Variants in RAB11FIP4 observed in about 807,000 individuals in gnomAD.
RAB11FIP4 encodes rab11 family-interacting protein 4.
A neutral mutation model predicts 74.3 loss-of-function variants in RAB11FIP4; 23 were observed. The ratio of observed to expected loss-of-function variants is 0.31; its 90% CI spans 0.22 to 0.44. The LOEUF (loss-of-function observed/expected upper bound fraction) is 0.44, where lower values mean the gene tolerates loss of function less well. RAB11FIP4 is among the 20% of genes least tolerant of loss of function. RAB11FIP4 has a pLI of 1.00. For synonymous variants in RAB11FIP4, 360 were observed against 359.9 expected (o/e 1.00, Z 0.00); for missense variants, 630 against 863.9 (o/e 0.73, Z 3.39).
At chr17:31,394,651 T>C (rs1425032211) in intron 1 of RAB11FIP4, among the ~76,000 whole-genome samples, 2 of 152,212 alleles carry the variant, frequency 1.3e-5, no homozygotes, top group East Asian at 1.9e-4. Context: ...ACATTGTATC[T>C]GTCAAGAAAG....
At chr17:31,453,703 TAGTCCCAACTACTAGGG>T (rs1447310535) in intron 3 of RAB11FIP4, among the ~76,000 whole-genome samples, 1 of 146,606 alleles carries the variant, frequency 6.8e-6, no homozygotes, top group East Asian at 2.0e-4. Context: ...TGCATGCCTG[TAGTCCCAACTACTAGGG>T]AGGCTGAGGC....
intron 1 of RAB11FIP4, among the ~76,000 whole-genome samples, chr17:31,401,367 A>G (rs2070984350): frequency 6.6e-6 from 1 of 152,076 alleles, no homozygotes; most frequent in Non-Finnish European, 1.5e-5. Flanking sequence ...AATTCCCTGC[A>G]ACCTGTCACC....
intron 3 of RAB11FIP4, among the ~76,000 whole-genome samples, chr17:31,501,359 A>T (rs1370578253): frequency 6.6e-6 from 1 of 152,132 alleles, no homozygotes; most frequent in African/African-American, 2.4e-5. Context: ...CGTTTAATAC[A>T]TCTCACCTAC....
At chr17:31,392,349 G>A (rs994121329) in intron 1 of RAB11FIP4, 6 of 194,896 alleles carry the variant, frequency 3.1e-5, no homozygotes, top group Admixed American at 6.1e-5. Context: ...CCGGCCCTAG[G>A]CTCCCCACCC....
intron 3 of RAB11FIP4, among the ~76,000 whole-genome samples, chr17:31,440,451 G>T (rs1040310270): frequency 3.3e-5 from 5 of 152,224 alleles, no homozygotes; most frequent in African/African-American, 1.2e-4. Flanking sequence ...GATAGGGAAA[G>T]GCTCTCTCAT....
rs1314025896 is a variant in RAB11FIP4 at position 31,534,324 on chromosome 17, G to C, written c.*2592G>C. The C allele has an allele frequency of 6.6e-6, 1 of 152,236 alleles. No individual in the cohort carries two copies. The highest frequency in any genetic ancestry group is 1.5e-5 in the Non-Finnish European group (1 of 68,054). The allele number at this position is 152,236 out of a possible 1,614,324, so 9.4% of individuals were successfully genotyped here. On this transcript the variant is annotated 3_prime_UTR_variant, in exon 15 of 15. Coordinates refer to ENST00000621161, the MANE Select transcript of RAB11FIP4 (RefSeq NM_032932.6). Reference sequence around the variant, plus strand: ...GCTCTGTTGCCCAGGCTGGAGTGTAGTGGTATGATCATAGCTCACCACAAC... The same window carrying C: ...GCTCTGTTGCCCAGGCTGGAGTGTACTGGTATGATCATAGCTCACCACAAC...
At position 31,517,637 on chromosome 17, in the gene RAB11FIP4, T is replaced by C; in HGVS notation, c.337-14T>C. ...CTGGCCTCACTTATCTTGTCTCTGC[T>C]CTCTCTTTCCCAGGGCAGCGAGGTC... On this transcript the variant is annotated splice_polypyrimidine_tract_variant and intron_variant, in intron 3 of 14. Transcript: ENST00000621161. 6.3e-7 allele frequency: 1 copy of C among 1,587,152 alleles called. No individual in the cohort carries two copies. Among genetic ancestry groups the C allele is most frequent in the Middle Eastern group, 1.7e-4 (1 of 6,028 alleles).
intron 1 of RAB11FIP4, among the ~76,000 whole-genome samples, chr17:31,398,537 G>T (rs1478572883): frequency 1.3e-5 from 2 of 152,212 alleles, no homozygotes; most frequent in African/African-American, 2.4e-5. Context: ...GTAGGGGGAA[G>T]AATCAGCCCT....
At chr17:31,499,447 C>T (rs2072177220) in intron 3 of RAB11FIP4, among the ~76,000 whole-genome samples, 1 of 152,130 alleles carries the variant, frequency 6.6e-6, no homozygotes, top group Non-Finnish European at 1.5e-5. Context: ...CCTCCTACTC[C>T]CTGGTTCAAG....
intron 3 of RAB11FIP4, among the ~76,000 whole-genome samples, chr17:31,491,628 G>A (rs943758244): frequency 2.0e-5 from 3 of 152,220 alleles, no homozygotes; most frequent in African/African-American, 7.2e-5. Context: ...AAGACAGGAT[G>A]TGATTGGAGA....
chr17:31,421,991 G>A (rs987088699), intron 1 of RAB11FIP4, among the ~76,000 whole-genome samples: 2 of 152,078 alleles, frequency 1.3e-5, no homozygotes, highest in East Asian at 3.9e-4. Context: ...ACCAGCCTGG[G>A]CAACATAGTG....
chr17:31,505,830 C>T (rs372426464), intron 3 of RAB11FIP4, among the ~76,000 whole-genome samples: 52 of 146,024 alleles, frequency 3.6e-4, no homozygotes, highest in Middle Eastern at 7.1e-3. Flanking sequence ...CTCAGCCTCC[C>T]GAGTAGCTGA....
chr17:31,504,398 T>C (rs1405659543), intron 3 of RAB11FIP4, among the ~76,000 whole-genome samples: 1 of 152,112 alleles, frequency 6.6e-6, no homozygotes, highest in Non-Finnish European at 1.5e-5. Context: ...CTCAAAGTGC[T>C]GGGATTACAG....
At chr17:31,499,644 C>T (rs764124764) in intron 3 of RAB11FIP4, among the ~76,000 whole-genome samples, 6 of 152,142 alleles carry the variant, frequency 3.9e-5, no homozygotes, top group Non-Finnish European at 7.4e-5. Context: ...CATGAGCCAC[C>T]GCACCTGGCC....
At position 31,402,910 on chromosome 17, in the gene RAB11FIP4, C is replaced by A. The variant is rs187249577; in HGVS notation, c.159+10899C>A. Among the ~76,000 whole-genome samples, 601 of 152,184 alleles carry A rather than the reference C, an allele frequency of 3.9e-3. 4 individuals are homozygous for A. Among genetic ancestry groups the A allele is most frequent in the African/African-American group, 0.012 (512 of 41,490 alleles). On this transcript the variant is annotated intron_variant, in intron 1 of 14. Transcript: ENST00000621161. ...AAAGTGCTGGGATTACAGGCGTGAG[C>A]CACCGCGCCTGGCCAGATTATTTTT...
At chr17:31,471,508 C>T (rs531378192) in intron 3 of RAB11FIP4, among the ~76,000 whole-genome samples, 3 of 152,292 alleles carry the variant, frequency 2.0e-5, no homozygotes, top group South Asian at 2.1e-4. Context: ...CCAACAACCT[C>T]GTGAGAGAGA....
At chr17:31,425,077 C>T (rs986820016) in intron 1 of RAB11FIP4, among the ~76,000 whole-genome samples, 5 of 152,154 alleles carry the variant, frequency 3.3e-5, no homozygotes. Context: ...AGTCTGGAAC[C>T]AGGCCTCTTG....
At chr17:31,459,855 G>A (rs2071618187) in intron 3 of RAB11FIP4, among the ~76,000 whole-genome samples, 1 of 152,034 alleles carries the variant, frequency 6.6e-6, no homozygotes, top group Non-Finnish European at 1.5e-5. Flanking sequence ...TGTTGTTCTG[G>A]ACACAGGGGT....
At chr17:31,467,918 G>C (rs1171070402) in intron 3 of RAB11FIP4, among the ~76,000 whole-genome samples, 1 of 152,228 alleles carries the variant, frequency 6.6e-6, no homozygotes, top group Non-Finnish European at 1.5e-5. Flanking sequence ...GCCTGCCCTT[G>C]AGGCCCAGCC....
Sources: gnomAD v4.1 joint callset for allele counts (sites outside exome capture counted in the v4.1 genomes callset) on GRCh38, gnomAD v4.1.1 for gene constraint, MANE v1.5 for transcripts, NCBI Gene and HGNC (gene_info 2026-07-23, HGNC 2026-07-21) for gene names.